Variants in UTP14A observed in about 807,000 individuals in gnomAD.
The protein encoded by UTP14A is U3 small nucleolar RNA-associated protein 14 homolog A.
A neutral mutation model predicts 57.2 loss-of-function variants in UTP14A; 5 were observed. The ratio of observed to expected loss-of-function variants is 0.09; its 90% confidence interval spans 0.05 to 0.18. The LOEUF is 0.18. Among genes scored for constraint, UTP14A ranks in the 10% least tolerant of loss-of-function variants. The pLI, the probability that UTP14A is intolerant of heterozygous loss-of-function variation, is 1.00. For missense variants in UTP14A, 430 were observed against 562.1 expected, an observed-to-expected ratio of 0.76 and a Z score of 2.38; for synonymous variants, 169 against 210.9, an observed-to-expected ratio of 0.80 and a Z score of 1.72.
At chrX:129,927,689 C>G (rs1022379882) in intron 14 of UTP14A, among the ~76,000 whole-genome samples, 1 of 111,225 alleles carries the variant, frequency 9.0e-6, no homozygotes, top group Non-Finnish European at 1.9e-5. Flanking sequence ...GTATTATTAG[C>G]AGAGACAGGG....
Position 129,906,236 on chromosome X carries a change from G to A in UTP14A, c.26G>A (p.Ser9Asn), listed in dbSNP as rs1929253391. 1 of 1,202,671 alleles carries A rather than the reference G, an allele frequency of 8.3e-7. No individual in the cohort carries two copies. The highest frequency in any genetic ancestry group is 1.8e-5 in the South Asian group (1 of 56,347). Residue 9 changes from serine to asparagine, a missense_variant and splice_region_variant, in exon 1 of 15, where the codon AGC becomes AAC. By Grantham distance (46) the Ser-to-Asn change is conservative. This residue lies in a region of UTP14A where 145 missense variants were observed against 153.5 expected (regional missense o/e 0.94). Coordinates refer to ENST00000394422, the MANE Select transcript of UTP14A (RefSeq NM_006649.4). The stretch of plus-strand genomic sequence containing the variant: ...ATGACTGCGAACCGGCTTGCAGAGA[G>A]GTGAAGGGCAACGAGGGGAGGGGGG... MTANRLAE[S>N]LLALSQQEEL...
At chrX:129,919,374 T>C in intron 7 of UTP14A, 21 bp from the exon 8 acceptor site, 1 of 1,211,672 alleles carries the variant, frequency 8.3e-7, no homozygotes. Context: ...CAGGTGTCAC[T>C]GTAAGTCTCA....
In UTP14A at chrX:129,919,414, A is replaced by C. The variant is rs1226987190; in HGVS notation, c.677A>C (p.Glu226Ala). The C allele has an allele frequency of 8.3e-7, 1 of 1,210,298 alleles. No individual in the cohort carries two copies. Among genetic ancestry groups the C allele is most frequent in the Non-Finnish European group, 1.1e-6 (1 of 895,350 alleles). The change falls in exon 8 of 15, where the codon GAG (glutamate) becomes GCG (alanine). Residue 226 changes from glutamate (E) to alanine (A), a missense_variant. Glu to Ala is a moderately radical substitution (Grantham distance 107, BLOSUM62 -1). Transcript: ENST00000394422. ...SLEEAKMRRA[E>A]LQRARALQSY... ...TTGTAGGCAAAGATGCGACGAGCAG[A>C]GCTTCAGAGGGCTCGGGCTCTGCAG...
At position 129,908,701 on chromosome X, in the gene UTP14A, C is replaced by G; in HGVS notation, c.205C>G (p.Leu69Val). The G allele has an allele frequency of 8.3e-7, 1 of 1,211,461 alleles. No homozygotes were observed. Among genetic ancestry groups the G allele is most frequent in the Non-Finnish European group, 1.1e-6 (1 of 895,261 alleles). The change falls in exon 4 of 15, where the codon CTG becomes GTG. Residue 69 changes from leucine (L) to valine (V), a missense_variant. Physicochemically the swap from Leu to Val is conservative, Grantham distance 32. Transcript: ENST00000394422. The part of the protein sequence containing the change: ...RKLAERSEAS[L>V]KVSEFNVSSE... ...ATTGGCTGAGAGGTCTGAGGCTAGT[C>G]TGAAGGTGTCAGAGTTCAATGTCAG...
chrX:129,927,838 T>C (rs1210956228), intron 14 of UTP14A, among the ~76,000 whole-genome samples: 1 of 111,837 alleles, frequency 8.9e-6, no homozygotes, highest in Non-Finnish European at 1.9e-5. Flanking sequence ...CCCCATTTTC[T>C]GCTTACGTGT....
Position 129,920,761 on chromosome X carries a change from C to A in UTP14A, c.954+9C>A. The stretch of plus-strand genomic sequence containing the variant: ...CCAAATATGACCTGGAGGTAAGAGA[C>A]CCTTGGGGTGAGAGAAGATCTGGAA... On this transcript the variant is annotated intron_variant, in intron 10 of 14. Transcript: ENST00000394422. The A allele has an allele frequency of 8.3e-7, 1 of 1,211,485 alleles. No individual in the cohort carries two copies. Among genetic ancestry groups the A allele is most frequent in the Non-Finnish European group, 1.1e-6 (1 of 895,525 alleles).
chrX:129,920,167 T>TG (rs1171904694), intron 8 of UTP14A, among the ~76,000 whole-genome samples: 1 of 109,511 alleles, frequency 9.1e-6, no homozygotes, highest in Non-Finnish European at 1.9e-5. Context: ...CCAGCCTGAG[T>TG]GACAGAGTGA....
In UTP14A at chrX:129,908,671, C is replaced by T. The variant is rs188896474; in HGVS notation, c.175C>T (p.Arg59Trp). ...TTATATCGTTTTGCCTAATTTCAGG[C>T]GGAAATTGGCTGAGAGGTCTGAGGC... is the stretch of plus-strand genomic sequence containing the variant. ...AISSLDGKNRRKLAERSEASL... is the reference protein window; with the variant it reads ...AISSLDGKNRWKLAERSEASL... Residue 59 changes from arginine (R) to tryptophan (W), a missense_variant and splice_region_variant, in exon 4 of 15, where the codon CGG becomes TGG. Arg to Trp is a moderately radical substitution (Grantham distance 101). Coordinates refer to ENST00000394422, the MANE Select transcript of UTP14A (RefSeq NM_006649.4). 18 of 1,208,427 alleles carry T rather than the reference C, an allele frequency of 1.5e-5. No individual in the cohort carries two copies. Among genetic ancestry groups the T allele is most frequent in the African/African-American group, 5.2e-5 (3 of 57,226 alleles).
At chrX:129,918,896 A>C (rs1408554696) in intron 6 of UTP14A, among the ~76,000 whole-genome samples, 1 of 110,787 alleles carries the variant, frequency 9.0e-6, no homozygotes, top group Non-Finnish European at 1.9e-5. Flanking sequence ...AGAAAAAAAA[A>C]AACATATATT....
chrX:129,920,760 A>G lies in UTP14A; in HGVS notation c.954+8A>G. On this transcript the variant is annotated splice_region_variant and intron_variant, in intron 10 of 14. Coordinates refer to ENST00000394422, the MANE Select transcript of UTP14A (RefSeq NM_006649.4). ...GCCAAATATGACCTGGAGGTAAGAGACCCTTGGGGTGAGAGAAGATCTGGA... is the reference window on the plus strand; with the variant it reads ...GCCAAATATGACCTGGAGGTAAGAGGCCCTTGGGGTGAGAGAAGATCTGGA... The G allele has an allele frequency of 2.5e-6, 3 of 1,211,733 alleles. No homozygotes were observed. The highest frequency in any genetic ancestry group is 3.3e-6 in the Non-Finnish European group (3 of 895,563).
rs1929345667 is a variant in UTP14A, at chrX:129,908,688, G to T, written c.192G>T (p.Arg64Ser). 8.3e-7 allele frequency: 1 copy of T among 1,209,874 alleles called. No individual in the cohort carries two copies. Among genetic ancestry groups the T allele is most frequent in the African/African-American group, 1.7e-5 (1 of 57,246 alleles). ...ATTTCAGGCGGAAATTGGCTGAGAG[G>T]TCTGAGGCTAGTCTGAAGGTGTCAG... ...DGKNRRKLAERSEASLKVSEF... is the reference protein window; with the variant it reads ...DGKNRRKLAESSEASLKVSEF... The change falls in exon 4 of 15, where the codon AGG (arginine) becomes AGT (serine). Residue 64 changes from arginine (R) to serine (S), a missense_variant. By Grantham distance (110) the Arg-to-Ser change is moderately radical. Transcript: ENST00000394422.
intron 11 of UTP14A, 119 bp downstream of exon 11, chrX:129,921,706 C>A: frequency 2.6e-6 from 2 of 762,202 alleles, no homozygotes; most frequent in South Asian, 3.0e-5. Context: ...TGGGGACTTG[C>A]AAGAGTGCGT....
chrX:129,911,662 C>A (rs1429502717), intron 5 of UTP14A, 104 bp from the exon 6 acceptor site: 1 of 993,138 alleles, frequency 1.0e-6, no homozygotes, highest in Non-Finnish European at 1.4e-6. Context: ...CATCCTGATT[C>A]TTTCTTGGGC....
chrX:129,928,986 A>C (rs1373702946), intron 14 of UTP14A, among the ~76,000 whole-genome samples: 6 of 107,196 alleles, frequency 5.6e-5, no homozygotes, highest in African/African-American at 2.1e-4. Flanking sequence ...TGCAGTGAGC[A>C]GAGATCACCC....
intron 14 of UTP14A, among the ~76,000 whole-genome samples, chrX:129,927,263 C>T (rs1930139637): frequency 9.0e-6 from 1 of 111,100 alleles, no homozygotes; most frequent in South Asian, 3.8e-4. Context: ...ACTGCAGGTT[C>T]CAACATGCAG....
At chrX:129,912,020 C>A in intron 6 of UTP14A, 99 bp downstream of exon 6, 1 of 1,043,943 alleles carries the variant, frequency 9.6e-7, no homozygotes, top group Non-Finnish European at 1.3e-6. Context: ...TAAACCCCAG[C>A]ATAAGTCATT....
chrX:129,929,456 G>A lies in UTP14A; in HGVS notation c.2164G>A (p.Val722Ile), dbSNP rs145004770. 2.5e-5 allele frequency: 30 copies of A among 1,209,828 alleles called. No individual in the cohort carries two copies. The highest frequency in any genetic ancestry group is 2.3e-4 in the African/African-American group (13 of 57,078). The change falls in exon 15 of 15, where the codon GTC becomes ATC. Residue 722 changes from valine to isoleucine, a missense_variant. Coordinates refer to ENST00000394422, the MANE Select transcript of UTP14A (RefSeq NM_006649.4). ...CCAAAAGCTGACTACTCCCAAGGTC[G>A]TCACCAAGCCAGGCCATATCATTAA... is the stretch of plus-strand genomic sequence containing the variant. ...AFQKLTTPKVVTKPGHIINPI... is the reference protein window; with the variant it reads ...AFQKLTTPKVITKPGHIINPI...
intron 14 of UTP14A, among the ~76,000 whole-genome samples, chrX:129,926,730 T>C (rs747500319): frequency 8.9e-6 from 1 of 111,903 alleles, no homozygotes; most frequent in African/African-American, 3.3e-5. Context: ...TCGAAGGTTA[T>C]TGTATGAAGT....
rs1929862047 is a variant in UTP14A, at chrX:129,920,367, C to T, written c.753-90C>T. 2.6e-6 allele frequency: 3 copies of T among 1,169,108 alleles called. No individual in the cohort carries two copies. In the South Asian group the frequency reaches 5.5e-5, roughly 21 times the overall value. On this transcript the variant is annotated intron_variant, in intron 8 of 14. Coordinates refer to ENST00000394422, the MANE Select transcript of UTP14A (RefSeq NM_006649.4). ...TATGATGCCCATTCCAGCCCCCTGC[C>T]TAGGGAACCCATTGGGTAGTATGGG...
Sources: allele counts gnomAD v4.1 joint callset (sites outside exome capture counted in the v4.1 genomes callset), GRCh38; gene constraint gnomAD v4.1.1; regional missense constraint gnomAD v4.1.1; transcripts MANE v1.5; gene names NCBI Gene and HGNC (gene_info 2026-07-23, HGNC 2026-07-21).